Variants in EPHA6 observed in about 807,000 individuals in gnomAD.
EPHA6 encodes ephrin type-A receptor 6.
In EPHA6, 50 loss-of-function variants were observed where a neutral mutation model predicts 112.0. The observed-to-expected ratio is 0.45, with a 90% CI of 0.36 to 0.56. EPHA6 has a LOEUF of 0.56. Ranked by LOEUF, EPHA6 falls within the 20% of genes least tolerant of loss-of-function variation. The pLI, the probability that EPHA6 is intolerant of heterozygous loss-of-function variation, is 0.00. For missense variants in EPHA6, 1,280 were observed against 1,417.4 expected (o/e 0.90, Z 1.56); for synonymous variants, 529 against 490.7 (o/e 1.08, Z -1.03).
At chr3:96,999,058 A>G (rs2043531384) in intron 3 of EPHA6, among the ~76,000 whole-genome samples, 5 of 151,804 alleles carry the variant, frequency 3.3e-5, no homozygotes, top group Admixed American at 3.3e-4. Context: ...TATTCTGGAT[A>G]TATTTTAAGG....
intron 2 of EPHA6, among the ~76,000 whole-genome samples, chr3:96,978,204 A>G (rs775023863): frequency 1.3e-5 from 2 of 152,146 alleles, no homozygotes; most frequent in African/African-American, 2.4e-5. Flanking sequence ...TATATTGACT[A>G]TTCATTAAAT....
At chr3:97,338,206 C>T (rs1190444642) in intron 5 of EPHA6, among the ~76,000 whole-genome samples, 1 of 151,928 alleles carries the variant, frequency 6.6e-6, no homozygotes, top group Non-Finnish European at 1.5e-5. Flanking sequence ...TCTATATATC[C>T]ATCTCAGACT....
chr3:97,545,958 T>A (rs1208307049), intron 11 of EPHA6, among the ~76,000 whole-genome samples: 2 of 152,218 alleles, frequency 1.3e-5, no homozygotes, highest in African/African-American at 2.4e-5. Flanking sequence ...CCTATGTGTG[T>A]CTCTGCACAT....
At chr3:96,957,386 C>T (rs1288556398) in intron 2 of EPHA6, among the ~76,000 whole-genome samples, 1 of 152,084 alleles carries the variant, frequency 6.6e-6, no homozygotes, top group African/African-American at 2.4e-5. Flanking sequence ...AATAAAGATA[C>T]AAAATGGGAC....
intron 2 of EPHA6, among the ~76,000 whole-genome samples, chr3:96,953,064 A>C (rs966386247): frequency 9.8e-5 from 15 of 152,314 alleles, no homozygotes; most frequent in African/African-American, 3.4e-4. Context: ...TAACCAAAAA[A>C]GAACAATATT....
intron 14 of EPHA6, among the ~76,000 whole-genome samples, chr3:97,652,595 C>G (rs1467000747): frequency 6.6e-6 from 1 of 151,944 alleles, no homozygotes; most frequent in African/African-American, 2.4e-5. Context: ...GAGTGGGGAG[C>G]TTTCTAGTAC....
At chr3:97,520,706 C>G (rs1027777844) in intron 10 of EPHA6, among the ~76,000 whole-genome samples, 2 of 152,164 alleles carry the variant, frequency 1.3e-5, no homozygotes, top group Admixed American at 1.3e-4. Flanking sequence ...TTCATTACAT[C>G]TGTTTGGGGA....
At chr3:97,210,141 C>T (rs567535021) in intron 3 of EPHA6, among the ~76,000 whole-genome samples, 20 of 152,056 alleles carry the variant, frequency 1.3e-4, no homozygotes, top group African/African-American at 4.8e-4. Flanking sequence ...TCTGAATATC[C>T]TTATTATATT....
intron 5 of EPHA6, among the ~76,000 whole-genome samples, chr3:97,348,902 G>A (rs1398040815): frequency 6.6e-6 from 1 of 151,960 alleles, no homozygotes; most frequent in Non-Finnish European, 1.5e-5. Flanking sequence ...CTTGGGTTTA[G>A]TTAGACTGCT....
chr3:97,327,976 TGTGC>T (rs1231623761), intron 5 of EPHA6, among the ~76,000 whole-genome samples: 33 of 140,336 alleles, frequency 2.4e-4, no homozygotes, highest in African/African-American at 8.7e-4. Flanking sequence ...TATATGTATA[TGTGC>T]ATATATATGT....
chr3:97,155,982 G>A (rs548378754), intron 3 of EPHA6, among the ~76,000 whole-genome samples: 6 of 152,144 alleles, frequency 3.9e-5, no homozygotes, highest in Non-Finnish European at 5.9e-5. Context: ...CAACCAAGAT[G>A]GATAATCCAG....
chr3:97,306,881 C>T (rs546308605), intron 5 of EPHA6, among the ~76,000 whole-genome samples: 3 of 151,162 alleles, frequency 2.0e-5, no homozygotes, highest in Admixed American at 6.6e-5. Context: ...ACTCATTTGT[C>T]ACCTACATTT....
chr3:97,666,862 T>C (rs908218003), intron 14 of EPHA6, among the ~76,000 whole-genome samples: 2 of 152,176 alleles, frequency 1.3e-5, no homozygotes, highest in African/African-American at 4.8e-5. Flanking sequence ...GAAGAGGCTT[T>C]AGTTTTTTAA....
At chr3:97,358,114 C>T (rs1300896131) in intron 5 of EPHA6, among the ~76,000 whole-genome samples, 1 of 152,160 alleles carries the variant, frequency 6.6e-6, no homozygotes, top group African/African-American at 2.4e-5. Flanking sequence ...ACCTCTGTCA[C>T]TTTTCTATTT....
At chr3:96,971,551 A>G (rs530156284) in intron 2 of EPHA6, among the ~76,000 whole-genome samples, 2 of 151,558 alleles carry the variant, frequency 1.3e-5, no homozygotes, top group Non-Finnish European at 2.9e-5. Flanking sequence ...TCAGGGCACT[A>G]ATTTTCTAAG....
At chr3:97,666,146 A>AT (rs1260833579) in intron 14 of EPHA6, among the ~76,000 whole-genome samples, 1 of 151,310 alleles carries the variant, frequency 6.6e-6, no homozygotes, top group East Asian at 1.9e-4. Context: ...TAGATAACAC[A>AT]TTTTCCCCCC....
At chr3:96,918,298 A>C (rs2039586089) in intron 2 of EPHA6, among the ~76,000 whole-genome samples, 3 of 152,178 alleles carry the variant, frequency 2.0e-5, no homozygotes, top group Non-Finnish European at 4.4e-5. Context: ...ATTATATTCT[A>C]AGTTTACATG....
chr3:97,697,154 C>T (rs2033096044), intron 14 of EPHA6, among the ~76,000 whole-genome samples: 1 of 152,300 alleles, frequency 6.6e-6, no homozygotes. Flanking sequence ...GGCGCCACAA[C>T]ACTCAAGCTG....
intron 7 of EPHA6, among the ~76,000 whole-genome samples, chr3:97,454,443 A>G (rs1307750450): frequency 1.3e-5 from 2 of 151,828 alleles, no homozygotes; most frequent in Non-Finnish European, 3.0e-5. Context: ...ATACTAAAAT[A>G]CTAAATATTA....
Sources: gnomAD v4.1 joint callset for allele counts (sites outside exome capture counted in the v4.1 genomes callset) on GRCh38, gnomAD v4.1.1 for gene constraint, MANE v1.5 for transcripts, NCBI Gene and HGNC (gene_info 2026-07-23, HGNC 2026-07-21) for gene names.